ZZEF1: variants seen among roughly 807,000 people sequenced by gnomAD.
ZZEF1 encodes zinc finger ZZ-type and EF-hand domain-containing protein 1.
Under a neutral mutation model 342.8 loss-of-function variants are expected in ZZEF1, and 157 were observed. That is an observed-to-expected ratio of 0.46 (90% CI 0.40 to 0.52). The LOEUF (loss-of-function observed/expected upper bound fraction) is 0.52, where lower values mean the gene tolerates loss of function less well. Among genes scored for constraint, ZZEF1 ranks in the 20% least tolerant of loss-of-function variants. The pLI, the probability that ZZEF1 is intolerant of heterozygous loss-of-function variation, is 0.00. For missense variants in ZZEF1, 3,480 were observed against 3,725.6 expected, an observed-to-expected ratio of 0.93 and a Z score of 1.72; for synonymous variants, 1,505 against 1,429.1, an observed-to-expected ratio of 1.05 and a Z score of -1.20.
intron 3 of ZZEF1, among the ~76,000 whole-genome samples, chr17:4,115,933 A>G (rs914168746): frequency 2.0e-5 from 3 of 152,242 alleles, no homozygotes; most frequent in African/African-American, 7.2e-5. Context: ...GTATTTTACA[A>G]GGTGGAACTA....
chr17:4,111,088 A>C (rs2145481405), intron 5 of ZZEF1, among the ~76,000 whole-genome samples: 1 of 152,358 alleles, frequency 6.6e-6, no homozygotes, highest in African/African-American at 2.4e-5. Context: ...ACAAAAGAAC[A>C]TGCAAAGAAT....
chr17:4,112,037 T>C (rs1326697826), intron 5 of ZZEF1, among the ~76,000 whole-genome samples: 4 of 3,674 alleles, frequency 1.1e-3, no homozygotes, highest in Admixed American at 2.2e-3. Flanking sequence ...TGTCTAAATA[T>C]ATATATATAT....
intron 6 of ZZEF1, among the ~76,000 whole-genome samples, chr17:4,107,367 T>C (rs554119252): frequency 3.3e-5 from 5 of 152,168 alleles, no homozygotes; most frequent in African/African-American, 1.2e-4. Flanking sequence ...GATGGGACTG[T>C]GCAGTGCAGA....
At chr17:4,013,350 G>A in intron 52 of ZZEF1, 99 bp downstream of exon 52, 1 of 1,198,302 alleles carries the variant, frequency 8.3e-7, no homozygotes, top group Non-Finnish European at 1.1e-6. Flanking sequence ...AGCCACAAAT[G>A]TCTTTTCATC....
chr17:4,068,821 T>C (rs2057454154), intron 26 of ZZEF1, among the ~76,000 whole-genome samples: 1 of 152,050 alleles, frequency 6.6e-6, no homozygotes, highest in African/African-American at 2.4e-5. Context: ...GTTGAAAAAC[T>C]CCTCCCCACC....
At chr17:4,141,747 T>C (rs2058854297) in intron 1 of ZZEF1, among the ~76,000 whole-genome samples, 3 of 151,250 alleles carry the variant, frequency 2.0e-5, no homozygotes, top group Non-Finnish European at 4.4e-5. Context: ...AGAGATCTAG[T>C]TGATAGTCTG....
intron 42 of ZZEF1, among the ~76,000 whole-genome samples, chr17:4,030,906 T>C (rs377331739): frequency 2.0e-5 from 3 of 152,208 alleles, no homozygotes; most frequent in Admixed American, 6.5e-5. Context: ...TGGCCAGATG[T>C]GGTTGCTCAT....
At chr17:4,103,546 CAAAAAAT>C (rs1038884993) in intron 8 of ZZEF1, among the ~76,000 whole-genome samples, 6 of 151,036 alleles carry the variant, frequency 4.0e-5, no homozygotes, top group African/African-American at 1.5e-4. Flanking sequence ...GACTCTGTCT[CAAAAAAT>C]AAATAAATAA....
rs749700209 is a variant in ZZEF1 at position 4,074,328 on chromosome 17, A to G, written c.3507T>C (p.Pro1169=). Residue 1169 remains proline (P), a synonymous_variant, in exon 24 of 55, where the codon CCT becomes CCC. Transcript: ENST00000381638. The part of the protein sequence containing the change: ...WPKKVTFKAG[P]RLQFLFHSDS... ...CAGAGTGAAAGAGGAACTGCAACCG[A>G]GGACCGGCCTTGAAGGTCACTTTCT... is the stretch of plus-strand genomic sequence containing the variant. 9.9e-6 allele frequency: 16 copies of G among 1,614,072 alleles called. No individual in the cohort carries two copies. The Admixed American group carries it at 1.2e-4, about 12-fold the overall frequency.
At chr17:4,050,664 T>G in intron 36 of ZZEF1, 117 bp downstream of exon 36, 2 of 1,454,566 alleles carry the variant, frequency 1.4e-6, no homozygotes, top group Non-Finnish European at 1.9e-6. Context: ...GTAAGCCCCT[T>G]TTGTGGAAAA....
At position 4,064,822 on chromosome 17, in the gene ZZEF1, C is replaced by T. The variant is rs758276070; in HGVS notation, c.4257G>A (p.Glu1419=). 2 of 1,527,448 alleles carry T rather than the reference C, an allele frequency of 1.3e-6. No individual in the cohort carries two copies. The highest frequency in any genetic ancestry group is 3.7e-5 in the Admixed American group (2 of 53,392). 94.6% of individuals were successfully genotyped at this position (1,527,448 alleles called of 1,614,324 possible). A position where few individuals can be genotyped will look rare whatever the true frequency, so the allele number is the denominator to read the frequency against. Residue 1419 remains glutamate (E), a synonymous_variant, in exon 29 of 55, where the codon GAG becomes GAA. Coordinates refer to ENST00000381638, the MANE Select transcript of ZZEF1 (RefSeq NM_015113.4). ...GTAATAGAAGACTCTTCTCAATGCA[C>T]TCTTTTGCTAGATGCAAACAAGAAT... The part of the protein sequence containing the change: ...TEVNPESLAK[E]CIEKSLLLLK...
intron 21 of ZZEF1, 31 bp downstream of exon 21, chr17:4,076,606 A>G: frequency 6.3e-7 from 1 of 1,593,044 alleles, no homozygotes; most frequent in Non-Finnish European, 8.6e-7. Context: ...GAGAGAGAAC[A>G]CGGGGCGGCT....
chr17:4,109,946 A>G, intron 5 of ZZEF1, 83 bp from the exon 6 acceptor site: 1 of 1,351,562 alleles, frequency 7.4e-7, no homozygotes, highest in Non-Finnish European at 1.0e-6. Flanking sequence ...CAAAATAGTA[A>G]TAGACATTTT....
At chr17:4,134,147 T>C (rs1367644484) in intron 1 of ZZEF1, among the ~76,000 whole-genome samples, 1 of 151,668 alleles carries the variant, frequency 6.6e-6, no homozygotes, top group Non-Finnish European at 1.5e-5. Flanking sequence ...ACCAAATAAT[T>C]ATGTAATTTC....
rs1295370642 is a variant in ZZEF1 at position 4,050,960 on chromosome 17, A to G, written c.5684T>C (p.Ile1895Thr). The G allele has an allele frequency of 6.2e-7, 1 of 1,614,086 alleles. No homozygotes were observed. Among genetic ancestry groups the G allele is most frequent in the East Asian group, 2.2e-5 (1 of 44,898 alleles). ...AAAGAGCAGCCAGGAGTAGTTATGG[A>G]TATATGGCTGGATGAGCCTCTGCCG... The part of the protein sequence containing the change: ...SDRQRLIQPY[I>T]HNYSWLLFAA... The change falls in exon 36 of 55, where the codon ATC (isoleucine) becomes ACC (threonine). Residue 1895 changes from isoleucine to threonine, a missense_variant. Ile to Thr is a moderately conservative substitution (Grantham distance 89). Transcript: ENST00000381638.
intron 2 of ZZEF1, among the ~76,000 whole-genome samples, chr17:4,123,049 A>G (rs1283249706): frequency 6.6e-6 from 1 of 150,774 alleles, no homozygotes; most frequent in Non-Finnish European, 1.5e-5. Flanking sequence ...CCTCCCGAGT[A>G]GCTGGGACTA....
chr17:4,077,060 C>A, intron 19 of ZZEF1, 71 bp from the exon 20 acceptor site: 1 of 1,428,852 alleles, frequency 7.0e-7, no homozygotes, highest in South Asian at 1.6e-5. Context: ...TCACCACAGA[C>A]AAGAATAAAG....
chr17:4,092,627 T>A (rs1366051516), intron 11 of ZZEF1, among the ~76,000 whole-genome samples: 2 of 152,142 alleles, frequency 1.3e-5, no homozygotes, highest in African/African-American at 4.8e-5. Context: ...CTTCTTAACA[T>A]AAGTCTTTCT....
At chr17:4,069,062 T>G (rs566648478) in intron 26 of ZZEF1, among the ~76,000 whole-genome samples, 1 of 152,332 alleles carries the variant, frequency 6.6e-6, no homozygotes, top group East Asian at 1.9e-4. Flanking sequence ...CAGCAAGACA[T>G]TCCGAGTTCC....
Sources: allele counts gnomAD v4.1 joint callset (sites outside exome capture counted in the v4.1 genomes callset), GRCh38; gene constraint gnomAD v4.1.1; transcripts MANE v1.5; gene names NCBI Gene and HGNC (gene_info 2026-07-23, HGNC 2026-07-21).